The following AR variants were observed in gnomAD, a reference collection of about 807,000 sequenced individuals.
AR encodes the protein androgen receptor, also known as dihydrotestosterone receptor.
Under a neutral mutation model 53.9 loss-of-function variants are expected in AR, and 8 were observed. The ratio of observed to expected loss-of-function variants is 0.15; its 90% confidence interval spans 0.09 to 0.27. The LOEUF (loss-of-function observed/expected upper bound fraction) is 0.27, where lower values mean the gene tolerates loss of function less well. AR is among the 10% of genes least tolerant of loss of function. The probability of loss-of-function intolerance (pLI) is 1.00; values close to 1 mark genes in which losing one functional copy is unlikely to be tolerated. For synonymous variants in AR, 359 were observed against 316.4 expected, an observed-to-expected ratio of 1.13 and a Z score of -1.43; for missense variants, 639 against 742.5, an observed-to-expected ratio of 0.86 and a Z score of 1.62.
At chrX:67,669,863 T>C (rs1182473633) in intron 2 of AR, among the ~76,000 whole-genome samples, 2 of 110,066 alleles carry the variant, frequency 1.8e-5, no homozygotes, top group Admixed American at 2.0e-4. Flanking sequence ...GTATTGCTGC[T>C]AATTTTTTTG....
intron 1 of AR, among the ~76,000 whole-genome samples, chrX:67,560,873 A>G (rs1239910236): frequency 8.9e-6 from 1 of 111,825 alleles, no homozygotes; most frequent in East Asian, 2.8e-4. Context: ...AGGAGAAGTG[A>G]TCTATATGAC....
At chrX:67,568,915 G>T in intron 1 of AR, 4 of 1,208,368 alleles carry the variant, frequency 3.3e-6, no homozygotes, top group Non-Finnish European at 4.5e-6. Flanking sequence ...GCCTGAAGCT[G>T]CTGGAGGCTG....
chrX:67,572,826 A>C (rs1005047005), intron 1 of AR, among the ~76,000 whole-genome samples: 1 of 111,897 alleles, frequency 8.9e-6, no homozygotes, highest in African/African-American at 3.2e-5. Context: ...TTACATATAC[A>C]AGTCAGCATT....
intron 1 of AR, among the ~76,000 whole-genome samples, chrX:67,602,896 C>T (rs1327141164): frequency 3.6e-5 from 4 of 111,813 alleles, no homozygotes; most frequent in Admixed American, 2.9e-4. Flanking sequence ...ATATATTTAC[C>T]ATGCAAGGCA....
intron 1 of AR, among the ~76,000 whole-genome samples, chrX:67,634,894 T>C (rs1925349728): frequency 9.0e-6 from 1 of 111,630 alleles, no homozygotes; most frequent in African/African-American, 3.3e-5. Flanking sequence ...AAAAATATTA[T>C]GTTCCATAAA....
intron 1 of AR, among the ~76,000 whole-genome samples, chrX:67,642,864 G>A (rs1185034469): frequency 8.9e-6 from 1 of 111,878 alleles, no homozygotes; most frequent in African/African-American, 3.2e-5. Flanking sequence ...GTCTGGTTTT[G>A]TTATAGGTCT....
chrX:67,661,581 A>G (rs1379777717), intron 2 of AR, among the ~76,000 whole-genome samples: 2 of 110,673 alleles, frequency 1.8e-5, no homozygotes, highest in African/African-American at 6.6e-5. Flanking sequence ...ATCATAGTGG[A>G]TACGCTTTTT....
In AR at chrX:67,589,423, G is replaced by T. The variant is rs776223182; in HGVS notation, c.1616+42661G>T. Among the ~76,000 whole-genome samples the T allele has an allele frequency of 7.1e-5, 8 of 112,214 alleles. No homozygotes were observed. The East Asian group carries it at 2.3e-3, about 32-fold the overall frequency. On this transcript the variant is annotated intron_variant, in intron 1 of 7. Coordinates refer to ENST00000374690, the MANE Select transcript of AR (RefSeq NM_000044.6). ...ACGGCCTTACAGAGTGTGTATGTTA[G>T]TATGTTAAAATGAAATCAACTTTCC...
chrX:67,556,368 T>C (rs1461620743), intron 1 of AR, among the ~76,000 whole-genome samples: 1 of 111,632 alleles, frequency 9.0e-6, no homozygotes, highest in East Asian at 2.8e-4. Flanking sequence ...GAACCACAAG[T>C]GGTATCAATA....
intron 2 of AR, among the ~76,000 whole-genome samples, chrX:67,681,828 C>A (rs1484474809): frequency 2.7e-5 from 3 of 112,091 alleles, no homozygotes. Flanking sequence ...TTTAAAAATT[C>A]TTTCCAACTA....
intron 3 of AR, among the ~76,000 whole-genome samples, chrX:67,710,573 T>C (rs982014847): frequency 9.0e-6 from 1 of 111,086 alleles, no homozygotes; most frequent in Non-Finnish European, 1.9e-5. Flanking sequence ...CCTCAAGCAC[T>C]CCTCCCATCT....
chrX:67,575,377 T>A (rs1162292415), intron 1 of AR, among the ~76,000 whole-genome samples: 1 of 111,570 alleles, frequency 9.0e-6, no homozygotes, highest in African/African-American at 3.3e-5. Context: ...TACAAAACAT[T>A]GAGAGTGTGT....
chrX:67,664,637 C>T (rs1485297903), intron 2 of AR, among the ~76,000 whole-genome samples: 3 of 112,166 alleles, frequency 2.7e-5, no homozygotes, highest in African/African-American at 9.7e-5. Flanking sequence ...CTACTCTCTT[C>T]AAAGCTGTCA....
chrX:67,573,874 T>A (rs1305645272), intron 1 of AR, among the ~76,000 whole-genome samples: 1 of 112,186 alleles, frequency 8.9e-6, no homozygotes, highest in Non-Finnish European at 1.9e-5. Context: ...GAAGTAGAAA[T>A]AATGATTAAA....
rs1328941547 is a variant in AR at position 67,729,123 on chromosome X, C to T, written c.*5282C>T. 7.4e-5 allele frequency: 13 copies of T among 174,839 alleles called. No individual in the cohort carries two copies. The Admixed American group carries it at 7.8e-4, about 11-fold the overall frequency. The allele number at this position is 174,839 out of a possible 1,213,427, so 14.4% of individuals were successfully genotyped here. ...TTCCCTCACCTGAGATTGAGGTGCT[C>T]TTGTTACTGGGTGTCTGTGTGCTGT... is the stretch of plus-strand genomic sequence containing the variant. On this transcript the variant is annotated 3_prime_UTR_variant, in exon 8 of 8. Transcript: ENST00000374690.
rs1354784614 is a variant in AR, at chrX:67,702,104, T to C, written c.1886-9298T>C. ...TTCAGATGATTGGGTTCTCACCTTT[T>C]TTATAGCTGTGTTACCTCAGTTTAT... On this transcript the variant is annotated intron_variant, in intron 3 of 7. Transcript: ENST00000374690. 6.3e-5 allele frequency among the ~76,000 whole-genome samples: 7 copies of C among 111,684 alleles called. No homozygotes were observed. The East Asian group carries it at 1.7e-3, about 27-fold the overall frequency.
chrX:67,649,095 A>G (rs1926205281), intron 2 of AR, among the ~76,000 whole-genome samples: 3 of 110,072 alleles, frequency 2.7e-5, no homozygotes, highest in Admixed American at 1.9e-4. Flanking sequence ...TCATTGTTCA[A>G]CTCCCACTTA....
chrX:67,637,626 C>T (rs1000629532), intron 1 of AR, among the ~76,000 whole-genome samples: 3 of 108,970 alleles, frequency 2.8e-5, no homozygotes, highest in African/African-American at 1.0e-4. Flanking sequence ...TGAATAGTGC[C>T]GCAATAAACA....
rs868709351 is a variant in AR at position 67,545,313 on chromosome X, T to A, written c.167T>A (p.Leu56Gln). ...GCACCTCCCGGCGCCAGTTTGCTGC[T>A]GCTGCAGCAGCAGCAGCAGCAGCAG... ...SAAPPGASLL[L>Q]LQQQQQQQQQ... Residue 56 changes from leucine (L) to glutamine (Q), a missense_variant, in exon 1 of 8, where the codon CTG becomes CAG. By Grantham distance (113) the Leu-to-Gln change is moderately radical (BLOSUM62 -2). Coordinates refer to ENST00000374690, the MANE Select transcript of AR (RefSeq NM_000044.6). The A allele has an allele frequency of 1.2e-5, 13 of 1,099,114 alleles. No individual in the cohort carries two copies. The highest frequency in any genetic ancestry group is 1.1e-4 in the East Asian group (3 of 27,918). The allele number at this position is 1,099,114 out of a possible 1,213,427, so 90.6% of individuals were successfully genotyped here.
Sources: allele counts gnomAD v4.1 joint callset (sites outside exome capture counted in the v4.1 genomes callset), GRCh38; gene constraint gnomAD v4.1.1; transcripts MANE v1.5; gene names NCBI Gene and HGNC (gene_info 2026-07-23, HGNC 2026-07-21).